Variants in PBX1 observed in about 807,000 individuals in gnomAD.
PBX1 encodes pre-B-cell leukemia transcription factor 1.
In PBX1, 6 loss-of-function variants were observed where a neutral mutation model predicts 53.4. That is an observed-to-expected ratio of 0.11 (90% CI 0.06 to 0.22). The LOEUF is 0.22. Among genes scored for constraint, PBX1 ranks in the 10% least tolerant of loss-of-function variants. The pLI is 1.00. For missense variants in PBX1, 251 were observed against 551.4 expected, an observed-to-expected ratio of 0.46 and a Z score of 5.46; for synonymous variants, 204 against 212.3, an observed-to-expected ratio of 0.96 and a Z score of 0.34.
chr1:164,593,158 A>G lies in PBX1; in HGVS notation c.265+29847A>G, dbSNP rs540180919. Among the ~76,000 whole-genome samples, 155 of 152,158 alleles carry G rather than the reference A, an allele frequency of 1.0e-3. 1 individual carries two copies. Among genetic ancestry groups the G allele is most frequent in the Admixed American group, 5.4e-3 (83 of 15,280 alleles). On this transcript the variant is annotated intron_variant, in intron 2 of 8. Coordinates refer to ENST00000420696, the MANE Select transcript of PBX1 (RefSeq NM_002585.4). ...TTTTTAATAGAGATGGGGTTTCGCC[A>G]TGTTGCCCAGACTGGTCCTGAACTC...
rs369009268 is a variant in PBX1 at position 164,802,297 on chromosome 1, C to T, written c.701+2408C>T. ...GGGCATGGCTTAGCTGGATCCTCTG[C>T]CCTAATCACAGCGAATCTGTAATCA... is the stretch of plus-strand genomic sequence containing the variant. On this transcript the variant is annotated intron_variant, in intron 4 of 8. Transcript: ENST00000420696. Among the ~76,000 whole-genome samples the T allele has an allele frequency of 1.1e-4, 16 of 152,338 alleles. No homozygotes were observed. The East Asian group carries it at 3.1e-3, about 29-fold the overall frequency.
intron 2 of PBX1, among the ~76,000 whole-genome samples, chr1:164,857,024 C>T (rs1447871590): frequency 6.6e-6 from 1 of 152,084 alleles, no homozygotes; most frequent in African/African-American, 2.4e-5. Flanking sequence ...CTTCCAATTC[C>T]CCAAAACCAA....
intron 2 of PBX1, among the ~76,000 whole-genome samples, chr1:164,623,880 A>G (rs1029106218): frequency 1.3e-5 from 2 of 152,212 alleles, no homozygotes; most frequent in Non-Finnish European, 2.9e-5. Context: ...GCAATTTGGT[A>G]ATGGACTGTG....
At chr1:164,561,618 G>A (rs532867571) in intron 1 of PBX1, among the ~76,000 whole-genome samples, 23 of 152,242 alleles carry the variant, frequency 1.5e-4, no homozygotes, top group African/African-American at 4.6e-4. Flanking sequence ...TTAAAAATAA[G>A]TTTGTGAAGT....
At chr1:164,600,786 A>G (rs2101799526) in intron 2 of PBX1, among the ~76,000 whole-genome samples, 1 of 152,336 alleles carries the variant, frequency 6.6e-6, no homozygotes, top group East Asian at 1.9e-4. Flanking sequence ...TGGTCAAGCC[A>G]TCTCAGACAC....
chr1:164,817,580 C>T (rs951551003), intron 6 of PBX1: 1 of 152,228 alleles, frequency 6.6e-6, no homozygotes, highest in Non-Finnish European at 1.5e-5. Context: ...AATTACTGCT[C>T]TGATACAAAT....
intron 2 of PBX1, among the ~76,000 whole-genome samples, chr1:164,857,231 G>C (rs1303900383): frequency 1.3e-5 from 2 of 152,114 alleles, no homozygotes; most frequent in Admixed American, 6.5e-5. Context: ...TCAATAATTT[G>C]CTGGAATAGC....
chr1:164,796,240 A>G (rs1471357310), intron 3 of PBX1, among the ~76,000 whole-genome samples: 1 of 152,084 alleles, frequency 6.6e-6, no homozygotes, highest in Non-Finnish European at 1.5e-5. Context: ...CGAGCTCCTG[A>G]CATCGTGTTC....
chr1:164,667,284 G>A (rs1660859273), intron 2 of PBX1, among the ~76,000 whole-genome samples: 1 of 151,964 alleles, frequency 6.6e-6, no homozygotes, highest in Admixed American at 6.6e-5. Flanking sequence ...AACAATGCAA[G>A]GACCTTTTTA....
At chr1:164,607,924 C>T (rs1432043869) in intron 2 of PBX1, among the ~76,000 whole-genome samples, 1 of 152,148 alleles carries the variant, frequency 6.6e-6, no homozygotes, top group Non-Finnish European at 1.5e-5. Flanking sequence ...ATTATGTTAA[C>T]TTCATGTATT....
At chr1:164,736,264 G>C (rs1319788318) in intron 2 of PBX1, among the ~76,000 whole-genome samples, 2 of 152,082 alleles carry the variant, frequency 1.3e-5, no homozygotes, top group African/African-American at 2.4e-5. Flanking sequence ...AGCTGCGGGG[G>C]AGGCATTGGA....
chr1:164,833,847 A>G (rs1474636391), intron 8 of PBX1, among the ~76,000 whole-genome samples: 2 of 145,928 alleles, frequency 1.4e-5, no homozygotes, highest in African/African-American at 2.5e-5. Context: ...TTGTGTTTCT[A>G]TTATCCAGAG....
At chr1:164,646,945 G>A (rs1057245588) in intron 2 of PBX1, among the ~76,000 whole-genome samples, 1 of 152,168 alleles carries the variant, frequency 6.6e-6, no homozygotes, top group Non-Finnish European at 1.5e-5. Flanking sequence ...CATTCAGTCT[G>A]GTCTGCAGGG....
intron 2 of PBX1, among the ~76,000 whole-genome samples, chr1:164,723,308 T>C (rs768514970): frequency 1.4e-4 from 22 of 152,250 alleles, no homozygotes; most frequent in Non-Finnish European, 3.1e-4. Flanking sequence ...GAGGAGTTTC[T>C]TGGGCTAACT....
At chr1:164,667,007 C>T (rs1660845036) in intron 2 of PBX1, among the ~76,000 whole-genome samples, 1 of 152,176 alleles carries the variant, frequency 6.6e-6, no homozygotes, top group South Asian at 2.1e-4. Context: ...CCCGAATTTG[C>T]TGTGAAGCAC....
intron 2 of PBX1, among the ~76,000 whole-genome samples, chr1:164,742,362 C>G (rs1440627965): frequency 6.6e-6 from 1 of 152,058 alleles, no homozygotes; most frequent in African/African-American, 2.4e-5. Context: ...GCCAACATGG[C>G]AAAACCCCAT....
intron 8 of PBX1, among the ~76,000 whole-genome samples, chr1:164,827,616 T>C (rs528012051): frequency 6.6e-6 from 1 of 152,292 alleles, no homozygotes; most frequent in African/African-American, 2.4e-5. Flanking sequence ...CCTTTAAACC[T>C]AGCACCATAA....
intron 8 of PBX1, among the ~76,000 whole-genome samples, chr1:164,834,528 A>G (rs771810866): frequency 4.4e-4 from 67 of 151,944 alleles, no homozygotes; most frequent in Non-Finnish European, 8.5e-4. Flanking sequence ...ATTTTTTAGT[A>G]GAGACGGAGT....
intron 2 of PBX1, among the ~76,000 whole-genome samples, chr1:164,864,757 A>G (rs1470710482): frequency 6.6e-6 from 1 of 152,178 alleles, no homozygotes; most frequent in African/African-American, 2.4e-5. Flanking sequence ...TTTCCTGCCT[A>G]AGAAATGTAT....
Sources: allele counts gnomAD v4.1 joint callset (sites outside exome capture counted in the v4.1 genomes callset), GRCh38; gene constraint gnomAD v4.1.1; transcripts MANE v1.5; gene names NCBI Gene and HGNC (gene_info 2026-07-23, HGNC 2026-07-21).